CEP112: variants seen among roughly 807,000 people sequenced by gnomAD.
CEP112 encodes centrosomal protein of 112 kDa.
A neutral mutation model predicts 153.0 loss-of-function variants in CEP112; 127 were observed. The observed-to-expected ratio is 0.83, with a 90% CI of 0.72 to 0.96. The LOEUF (loss-of-function observed/expected upper bound fraction) is 0.96. Ranked by LOEUF, CEP112 falls within the 40% of genes least tolerant of loss-of-function variation. The probability of loss-of-function intolerance (pLI) is 0.00; values close to 1 mark genes in which losing one functional copy is unlikely to be tolerated. For synonymous variants in CEP112, 358 were observed against 374.4 expected (o/e 0.96, Z 0.51); for missense variants, 1,089 against 1,101.2 (o/e 0.99, Z 0.16).
chr17:66,158,628 A>G (rs1273172693), intron 4 of CEP112, among the ~76,000 whole-genome samples: 1 of 152,164 alleles, frequency 6.6e-6, no homozygotes, highest in Non-Finnish European at 1.5e-5. Flanking sequence ...ATAAAAAAAG[A>G]AATAAAGTTG....
At chr17:65,773,285 C>T (rs2053488395) in intron 21 of CEP112, among the ~76,000 whole-genome samples, 1 of 152,166 alleles carries the variant, frequency 6.6e-6, no homozygotes, top group South Asian at 2.1e-4. Flanking sequence ...ATTTTCGTTT[C>T]CTTATTAGTT....
intron 24 of CEP112, among the ~76,000 whole-genome samples, chr17:65,646,167 T>C (rs929820407): frequency 2.6e-5 from 4 of 152,242 alleles, no homozygotes; most frequent in African/African-American, 9.6e-5. Flanking sequence ...CTAAGGTTGC[T>C]CTTTGATCGC....
intron 11 of CEP112, among the ~76,000 whole-genome samples, chr17:66,056,654 A>G (rs1333666635): frequency 6.6e-6 from 1 of 152,210 alleles, no homozygotes; most frequent in Non-Finnish European, 1.5e-5. Context: ...ATATTATATT[A>G]TTGTATTTAT....
chr17:65,788,706 C>T (rs916167943), intron 21 of CEP112, among the ~76,000 whole-genome samples: 1 of 152,012 alleles, frequency 6.6e-6, no homozygotes, highest in Non-Finnish European at 1.5e-5. Context: ...TGTTTTTTGA[C>T]TCAATCAGCA....
Position 65,774,284 on chromosome 17 carries a change from C to T in CEP112, c.2395-23560G>A, listed in dbSNP as rs150245148. The stretch of plus-strand genomic sequence containing the variant: ...CTGCGGTTTTGTTCCCGAGAAAAGA[C>T]CCTATTTCTTACCCTGCCTTCTCCA... On this transcript the variant is annotated intron_variant, in intron 21 of 26. Transcript: ENST00000535342. Among the ~76,000 whole-genome samples the T allele has an allele frequency of 3.3e-5, 5 of 152,174 alleles. No individual in the cohort carries two copies. In the East Asian group the frequency reaches 9.7e-4, roughly 29 times the overall value.
At chr17:65,894,875 T>A (rs2059605889) in intron 20 of CEP112, among the ~76,000 whole-genome samples, 1 of 152,144 alleles carries the variant, frequency 6.6e-6, no homozygotes, top group Non-Finnish European at 1.5e-5. Context: ...GGATTGCATA[T>A]CTCTTTAGAG....
intron 21 of CEP112, among the ~76,000 whole-genome samples, chr17:65,765,528 A>T (rs1311637976): frequency 6.6e-6 from 1 of 151,958 alleles, no homozygotes; most frequent in Non-Finnish European, 1.5e-5. Context: ...TGGGGGCAAA[A>T]CTCACAAAAG....
At chr17:65,958,726 G>A (rs543980223) in intron 18 of CEP112, among the ~76,000 whole-genome samples, 1 of 152,146 alleles carries the variant, frequency 6.6e-6, no homozygotes, top group Non-Finnish European at 1.5e-5. Flanking sequence ...AGCAGCAGGG[G>A]GCAGACAGAC....
chr17:65,688,856 C>T (rs913693659), intron 24 of CEP112: 6 of 285,678 alleles, frequency 2.1e-5, no homozygotes, highest in Non-Finnish European at 3.9e-5. Context: ...CAACCTCTGC[C>T]TCCCGGGTTC....
chr17:65,717,085 C>A (rs554145464), intron 23 of CEP112, among the ~76,000 whole-genome samples: 2 of 152,336 alleles, frequency 1.3e-5, no homozygotes, highest in African/African-American at 4.8e-5. Context: ...TTTCTATTTA[C>A]ATGTTCCATT....
intron 6 of CEP112, among the ~76,000 whole-genome samples, 179 bp downstream of exon 6, chr17:66,129,567 T>C (rs1482717436): frequency 6.6e-6 from 1 of 152,216 alleles, no homozygotes; most frequent in Non-Finnish European, 1.5e-5. Context: ...ACAGGGACTA[T>C]TTTATGTTTG....
chr17:66,068,987 T>C (rs2067217516), intron 9 of CEP112, among the ~76,000 whole-genome samples: 1 of 151,900 alleles, frequency 6.6e-6, no homozygotes, highest in Non-Finnish European at 1.5e-5. Context: ...GAGAGGAAAT[T>C]GGAAAAGGAG....
chr17:65,819,909 T>C (rs910338954), intron 21 of CEP112, among the ~76,000 whole-genome samples: 3 of 152,028 alleles, frequency 2.0e-5, no homozygotes, highest in African/African-American at 4.8e-5. Flanking sequence ...AGGACTTTAA[T>C]GGAAAAGCTA....
chr17:65,831,270 A>T (rs990120048), intron 21 of CEP112, among the ~76,000 whole-genome samples: 1 of 152,214 alleles, frequency 6.6e-6, no homozygotes, highest in Non-Finnish European at 1.5e-5. Context: ...GAATTTCAGA[A>T]AATCAGGCCA....
At position 65,944,226 on chromosome 17, in the gene CEP112, C is replaced by G. The variant is rs148536552; in HGVS notation, c.1873-16537G>C. ...AGCTAATGCATGTGGGTCTTAATAC[C>G]TTAAGTGATGGGTTGAAAGGTGCAG... On this transcript the variant is annotated intron_variant, in intron 18 of 26. Transcript: ENST00000535342. Among the ~76,000 whole-genome samples the G allele has an allele frequency of 3.1e-3, 475 of 152,228 alleles. 2 individuals carry two copies. Among genetic ancestry groups the G allele is most frequent in the Middle Eastern group, 0.017 (5 of 294 alleles).
chr17:65,702,807 G>A (rs1598353131), intron 23 of CEP112, among the ~76,000 whole-genome samples: 1 of 152,234 alleles, frequency 6.6e-6, no homozygotes, highest in East Asian at 1.9e-4. Flanking sequence ...ATGGAGGCAG[G>A]CAAAGAGACA....
At chr17:65,946,465 T>C (rs1253770329) in intron 18 of CEP112, among the ~76,000 whole-genome samples, 2 of 152,184 alleles carry the variant, frequency 1.3e-5, no homozygotes, top group African/African-American at 4.8e-5. Flanking sequence ...TAGCTCCTTT[T>C]GACATGAATC....
intron 21 of CEP112, among the ~76,000 whole-genome samples, chr17:65,840,019 A>C (rs899925217): frequency 6.6e-6 from 1 of 152,152 alleles, no homozygotes; most frequent in African/African-American, 2.4e-5. Flanking sequence ...TAAAGAGAAC[A>C]CAAAAATGGA....
intron 19 of CEP112, among the ~76,000 whole-genome samples, chr17:65,905,496 T>C (rs1169759814): frequency 2.0e-5 from 3 of 152,174 alleles, no homozygotes; most frequent in Non-Finnish European, 4.4e-5. Context: ...TTTTACACTA[T>C]TGGTGGGAGT....
Sources: allele counts gnomAD v4.1 joint callset (sites outside exome capture counted in the v4.1 genomes callset), GRCh38; gene constraint gnomAD v4.1.1; transcripts MANE v1.5; gene names NCBI Gene and HGNC (gene_info 2026-07-23, HGNC 2026-07-21).